The following SLC44A5 variants were observed in gnomAD, a reference collection of about 807,000 sequenced individuals.
SLC44A5 encodes the protein choline transporter-like protein 5.
SLC44A5 carries 57 observed loss-of-function variants against 101.8 expected under a neutral mutation model. That is an observed-to-expected ratio of 0.56 (90% CI 0.45 to 0.70). The LOEUF (loss-of-function observed/expected upper bound fraction) is 0.70. Ranked by LOEUF, SLC44A5 falls within the 30% of genes least tolerant of loss-of-function variation. The pLI is 0.00. For synonymous variants in SLC44A5, 281 were observed against 290.9 expected (o/e 0.97, Z 0.35); for missense variants, 737 against 853.1 (o/e 0.86, Z 1.70).
chr1:75,472,565 C>T (rs555066148), intron 2 of SLC44A5, among the ~76,000 whole-genome samples: 5 of 152,244 alleles, frequency 3.3e-5, no homozygotes, highest in South Asian at 2.1e-4. Flanking sequence ...GAGATATCAG[C>T]GCCCCAGGGT....
intron 2 of SLC44A5, among the ~76,000 whole-genome samples, chr1:75,513,822 A>G (rs944867522): frequency 1.3e-5 from 2 of 152,166 alleles, no homozygotes; most frequent in Admixed American, 1.3e-4. Context: ...AATCAATGCT[A>G]TATAAAGGAC....
the SLC44A5 span, among the ~76,000 whole-genome samples, chr1:75,659,441 G>C: frequency 9.2e-5 from 2 of 21,808 alleles, no homozygotes; most frequent in African/African-American, 2.5e-4. Flanking sequence ...GGGAGGGAGG[G>C]AGGGAAGGAA....
chr1:75,435,205 C>A (rs1227655242), intron 2 of SLC44A5, among the ~76,000 whole-genome samples: 1 of 152,138 alleles, frequency 6.6e-6, no homozygotes, highest in Non-Finnish European at 1.5e-5. Flanking sequence ...CAGGCTACCT[C>A]CATCCCCAAA....
the SLC44A5 span, among the ~76,000 whole-genome samples, chr1:75,646,613 G>A: frequency 2.0e-5 from 3 of 152,122 alleles, no homozygotes; most frequent in Admixed American, 2.0e-4. Flanking sequence ...TTAGAACAAG[G>A]GGGTGGTCCC....
chr1:75,638,219 TA>T, the SLC44A5 span, among the ~76,000 whole-genome samples: 3 of 152,194 alleles, frequency 2.0e-5, no homozygotes, highest in East Asian at 5.8e-4. Flanking sequence ...ATAGTACGAT[TA>T]AAGCAAGTTT....
At chr1:75,452,141 A>C (rs1665942360) in intron 2 of SLC44A5, among the ~76,000 whole-genome samples, 1 of 152,170 alleles carries the variant, frequency 6.6e-6, no homozygotes, top group Non-Finnish European at 1.5e-5. Flanking sequence ...TCTTAAAGGC[A>C]GCTAGAGAAA....
the SLC44A5 span, among the ~76,000 whole-genome samples, chr1:75,686,714 T>C: frequency 2.0e-5 from 3 of 152,126 alleles, 1 homozygote; most frequent in South Asian, 6.2e-4. Context: ...AAGTAGGAAA[T>C]CAGGAAATTG....
At chr1:75,419,491 C>T (rs1278098826) in intron 2 of SLC44A5, among the ~76,000 whole-genome samples, 7 of 149,736 alleles carry the variant, frequency 4.7e-5, no homozygotes, top group Non-Finnish European at 8.9e-5. Flanking sequence ...AAGGACTGTT[C>T]GTGTGAAATT....
chr1:75,647,561 C>G, the SLC44A5 span, among the ~76,000 whole-genome samples: 1 of 152,144 alleles, frequency 6.6e-6, no homozygotes, highest in African/African-American at 2.4e-5. Flanking sequence ...TACTTAATAC[C>G]AGCCCATGAA....
chr1:75,328,840 C>A (rs1419166269), intron 4 of SLC44A5, among the ~76,000 whole-genome samples: 1 of 152,142 alleles, frequency 6.6e-6, no homozygotes, highest in African/African-American at 2.4e-5. Flanking sequence ...ACTATGCTCA[C>A]GTGCTGTGAT....
At chr1:75,606,426 A>C (rs1182225954) in intron 1 of SLC44A5, among the ~76,000 whole-genome samples, 1 of 152,044 alleles carries the variant, frequency 6.6e-6, no homozygotes, top group African/African-American at 2.4e-5. Context: ...AAATAGTAAA[A>C]GAGAGGTTAA....
intron 4 of SLC44A5, among the ~76,000 whole-genome samples, chr1:75,324,147 A>T (rs755094280): frequency 4.6e-5 from 7 of 152,230 alleles, no homozygotes; most frequent in Admixed American, 2.0e-4. Flanking sequence ...CAGTACTTTA[A>T]ATAGCAAACA....
At chr1:75,398,049 G>A (rs886425049) in intron 2 of SLC44A5, among the ~76,000 whole-genome samples, 2 of 152,084 alleles carry the variant, frequency 1.3e-5, no homozygotes, top group Admixed American at 6.6e-5. Flanking sequence ...TAGTATGTAC[G>A]TGCAAGGATT....
intron 18 of SLC44A5, among the ~76,000 whole-genome samples, 181 bp downstream of exon 18, chr1:75,217,685 C>G (rs991836133): frequency 9.9e-5 from 15 of 151,986 alleles, no homozygotes; most frequent in African/African-American, 3.4e-4. Context: ...ACCACTGTCC[C>G]TCCCCTCCCC....
chr1:75,395,111 T>C (rs963483843), intron 3 of SLC44A5, among the ~76,000 whole-genome samples: 4 of 152,100 alleles, frequency 2.6e-5, no homozygotes, highest in African/African-American at 9.7e-5. Context: ...ATATCAGAAG[T>C]GGAGTGTTTT....
At chr1:75,435,567 A>C (rs1010543088) in intron 2 of SLC44A5, among the ~76,000 whole-genome samples, 4 of 152,072 alleles carry the variant, frequency 2.6e-5, no homozygotes, top group Non-Finnish European at 5.9e-5. Context: ...CTTCCCACAC[A>C]ACTGTGGAAA....
chr1:75,437,207 T>C (rs980497007), intron 2 of SLC44A5, among the ~76,000 whole-genome samples: 25 of 152,180 alleles, frequency 1.6e-4, no homozygotes, highest in African/African-American at 5.8e-4. Context: ...TTATCAAGTA[T>C]TCTGTACTGT....
chr1:75,283,815 G>A (rs2100791814), intron 5 of SLC44A5, among the ~76,000 whole-genome samples: 1 of 152,026 alleles, frequency 6.6e-6, no homozygotes, highest in African/African-American at 2.4e-5. Flanking sequence ...TAAGTATTTG[G>A]CTTTATTTCT....
At chr1:75,318,268 T>C (rs1161129690) in intron 4 of SLC44A5, among the ~76,000 whole-genome samples, 1 of 151,872 alleles carries the variant, frequency 6.6e-6, no homozygotes, top group Admixed American at 6.6e-5. Flanking sequence ...TCCTAGCTAC[T>C]TGGGAGGCTG....
Sources: gnomAD v4.1 joint callset for allele counts (sites outside exome capture counted in the v4.1 genomes callset) on GRCh38, gnomAD v4.1.1 for gene constraint, MANE v1.5 for transcripts, NCBI Gene and HGNC (gene_info 2026-07-23, HGNC 2026-07-21) for gene names.